The following TMEM200A variants were observed in gnomAD, a reference collection of about 807,000 sequenced individuals.
TMEM200A encodes the protein two transmembrane C.
A neutral mutation model predicts 24.3 loss-of-function variants in TMEM200A; 12 were observed. The observed-to-expected ratio is 0.49, with a 90% CI of 0.32 to 0.80. TMEM200A has a LOEUF of 0.80. TMEM200A is among the 30% of genes least tolerant of loss of function. The probability of loss-of-function intolerance (pLI) is 0.04; values close to 1 mark genes in which losing one functional copy is unlikely to be tolerated. For synonymous variants in TMEM200A, 224 were observed against 224.4 expected, an observed-to-expected ratio of 1.00 and a Z score of 0.02; for missense variants, 545 against 614.4, an observed-to-expected ratio of 0.89 and a Z score of 1.19.
At chr6:130,439,821 TAAGG>T (rs1780109103) in intron 2 of TMEM200A, among the ~76,000 whole-genome samples, 1 of 151,534 alleles carries the variant, frequency 6.6e-6, no homozygotes, top group Non-Finnish European at 1.5e-5. Flanking sequence ...AGCAGAGAGG[TAAGG>T]AAGATGAAAA....
In TMEM200A at chr6:130,441,655, A is replaced by G. The variant is rs141922342; in HGVS notation, c.1233A>G (p.Ala411=). The change falls in exon 3 of 3, where the codon GCA becomes GCG. Residue 411 remains alanine, a synonymous_variant. Coordinates refer to ENST00000296978, the MANE Select transcript of TMEM200A (RefSeq NM_001258277.2). ...GTCCCTCCACTCTAACTGTTCAGGC[A>G]GAACAACGGAAACATCCAAGTTGGC... ...DRGPSTLTVQ[A]EQRKHPSWPR... The G allele has an allele frequency of 1.0e-4, 161 of 1,613,990 alleles. No individual in the cohort carries two copies. In the African/African-American group the frequency reaches 2.0e-3, roughly 20 times the overall value.
intron 1 of TMEM200A, among the ~76,000 whole-genome samples, chr6:130,384,742 T>G (rs1778675162): frequency 6.6e-6 from 1 of 152,248 alleles, no homozygotes; most frequent in African/African-American, 2.4e-5. Context: ...TATTTTGTAT[T>G]TTCTATCAAG....
chr6:130,366,654 G>T lies in TMEM200A; in HGVS notation c.-81+130G>T. On this transcript the variant is annotated intron_variant, in intron 1 of 2. Transcript: ENST00000296978. This position sits in a 1 kb window ranked among gnomAD's most constrained non-coding sequence, Gnocchi z 4.4. ...CTACAGCCTCCAGAGTTAGGTAAACGCTGTCTCTCCTAAAGTTTGGGAAAT... is the reference window on the plus strand; with the variant it reads ...CTACAGCCTCCAGAGTTAGGTAAACTCTGTCTCTCCTAAAGTTTGGGAAAT... 1.2e-6 allele frequency: 1 copy of T among 803,792 alleles called. No homozygotes were observed. Among genetic ancestry groups the T allele is most frequent in the Non-Finnish European group, 1.5e-6 (1 of 664,116 alleles). 49.8% of individuals were successfully genotyped at this position (803,792 alleles called of 1,614,324 possible). A position where few individuals can be genotyped will look rare whatever the true frequency, so the allele number is the denominator to read the frequency against.
intron 2 of TMEM200A, among the ~76,000 whole-genome samples, chr6:130,418,940 C>G (rs1411286867): frequency 1.3e-5 from 2 of 152,120 alleles, no homozygotes; most frequent in Non-Finnish European, 2.9e-5. Context: ...TCTCTTCTAG[C>G]TATTTTGAAA....
chr6:130,396,111 A>G (rs1778945794), intron 2 of TMEM200A, among the ~76,000 whole-genome samples: 2 of 152,200 alleles, frequency 1.3e-5, no homozygotes, highest in Non-Finnish European at 2.9e-5. Context: ...AAAAATATCA[A>G]CTAAAGCTTT....
chr6:130,386,752 C>T (rs1386293658), intron 2 of TMEM200A, among the ~76,000 whole-genome samples: 2 of 152,168 alleles, frequency 1.3e-5, no homozygotes, highest in African/African-American at 4.8e-5. Flanking sequence ...GTAAGAATGT[C>T]GTTTCGACAG....
rs142865748 is a variant in TMEM200A at position 130,409,191 on chromosome 6, A to C, written c.-17+23955A>C. ...GCACCCTCTTTTCTTTATCTGTCAC[A>C]GGTGTTTTCCCCAATAATCATTTCT... On this transcript the variant is annotated intron_variant, in intron 2 of 2. Coordinates refer to ENST00000296978, the MANE Select transcript of TMEM200A (RefSeq NM_001258277.2). Among the ~76,000 whole-genome samples, 62 of 152,148 alleles carry C rather than the reference A, an allele frequency of 4.1e-4. 1 individual carries two copies. Among genetic ancestry groups the C allele is most frequent in the African/African-American group, 1.4e-3 (60 of 41,500 alleles).
chr6:130,409,702 G>A (rs1050209328), intron 2 of TMEM200A, among the ~76,000 whole-genome samples: 2 of 152,008 alleles, frequency 1.3e-5, no homozygotes, highest in African/African-American at 2.4e-5. Context: ...AGGATAATTC[G>A]GTGTCTTAAA....
chr6:130,384,928 A>G (rs1199930302), intron 1 of TMEM200A, among the ~76,000 whole-genome samples: 1 of 152,190 alleles, frequency 6.6e-6, no homozygotes, highest in Admixed American at 6.5e-5. Flanking sequence ...TTACATTTGG[A>G]GTACATTTAT....
At chr6:130,379,184 T>C (rs1013524404) in intron 1 of TMEM200A, among the ~76,000 whole-genome samples, 2 of 152,148 alleles carry the variant, frequency 1.3e-5, no homozygotes, top group African/African-American at 2.4e-5. Flanking sequence ...ATTCAAACCA[T>C]AGGAGGTGTG....
intron 1 of TMEM200A, among the ~76,000 whole-genome samples, chr6:130,370,923 T>C (rs932595252): frequency 1.3e-5 from 2 of 152,148 alleles, no homozygotes; most frequent in Non-Finnish European, 2.9e-5. Context: ...CACAGAACTA[T>C]TGTTTATGCA....
rs1486995727 is a variant in TMEM200A, at chr6:130,366,201, C to G, written c.-404C>G. The G allele has an allele frequency of 7.1e-6, 7 of 985,114 alleles. No individual in the cohort carries two copies. In the African/African-American group the frequency reaches 1.2e-4, roughly 17 times the overall value. 61.0% of individuals were successfully genotyped at this position (985,114 alleles called of 1,614,324 possible). On this transcript the variant is annotated 5_prime_UTR_variant, in exon 1 of 3. Transcript: ENST00000296978. The surrounding 1 kb of genome is among the most constrained non-coding windows in gnomAD (Gnocchi z 4.4). ...GGATGGCGGCGGCCCTCTGTGAGCA[C>G]CGGCAGCGGCGCATCCCCTGCCCCG...
intron 2 of TMEM200A, among the ~76,000 whole-genome samples, chr6:130,413,988 A>G (rs1779390367): frequency 6.6e-6 from 1 of 152,198 alleles, no homozygotes; most frequent in Admixed American, 6.6e-5. Context: ...AATTTCTGTT[A>G]GAGTATTATT....
chr6:130,381,728 T>C (rs1157697381), intron 1 of TMEM200A, among the ~76,000 whole-genome samples: 1 of 152,242 alleles, frequency 6.6e-6, no homozygotes, highest in Admixed American at 6.5e-5. Context: ...TTGTTGTTGT[T>C]GTTGAGATGC....
At chr6:130,393,957 AC>A (rs1778893505) in intron 2 of TMEM200A, among the ~76,000 whole-genome samples, 2 of 152,154 alleles carry the variant, frequency 1.3e-5, no homozygotes, top group Non-Finnish European at 2.9e-5. Context: ...TCTTGATCCT[AC>A]AGATTGAATA....
At chr6:130,418,025 G>GCCTAGTGTC (rs1438619585) in intron 2 of TMEM200A, among the ~76,000 whole-genome samples, 9 of 152,160 alleles carry the variant, frequency 5.9e-5, no homozygotes, top group East Asian at 1.9e-4. Context: ...TGCAGTATTG[G>GCCTAGTGTC]CCTAGTGTCC....
Position 130,440,454 on chromosome 6 carries a change from T to C in TMEM200A, c.32T>C (p.Leu11Pro). 6.2e-7 allele frequency: 1 copy of C among 1,600,134 alleles called. No homozygotes were observed. Among genetic ancestry groups the C allele is most frequent in the Non-Finnish European group, 8.5e-7 (1 of 1,173,928 alleles). ...GCAACTGGTGGAGTGATAACTGGCC[T>C]GGCCGCCTTGAAAAGGCAAGACTCT... is the stretch of plus-strand genomic sequence containing the variant. MIATGGVITG[L>P]AALKRQDSAR... Residue 11 changes from leucine (L) to proline (P), a missense_variant, in exon 3 of 3, where the codon CTG (leucine) becomes CCG (proline). Coordinates refer to ENST00000296978, the MANE Select transcript of TMEM200A (RefSeq NM_001258277.2).
chr6:130,420,725 A>T (rs1385208938), intron 2 of TMEM200A, among the ~76,000 whole-genome samples: 1 of 152,126 alleles, frequency 6.6e-6, no homozygotes, highest in Non-Finnish European at 1.5e-5. Context: ...AGTAACAGTG[A>T]GTGAAGAACA....
intron 1 of TMEM200A, among the ~76,000 whole-genome samples, chr6:130,377,306 A>G (rs2115079656): frequency 6.6e-6 from 1 of 152,338 alleles, no homozygotes; most frequent in South Asian, 2.1e-4. Flanking sequence ...ACAGGTTACA[A>G]AAAAGAAGTC....
Sources: allele counts gnomAD v4.1 joint callset (sites outside exome capture counted in the v4.1 genomes callset), GRCh38; gene constraint gnomAD v4.1.1; non-coding constraint Gnocchi (gnomAD v3.1); transcripts MANE v1.5; gene names NCBI Gene and HGNC (gene_info 2026-07-23, HGNC 2026-07-21).